The following SYT9 variants were observed in gnomAD, a reference collection of about 807,000 sequenced individuals.
SYT9 encodes the protein synaptotagmin-9.
A neutral mutation model predicts 48.4 loss-of-function variants in SYT9; 22 were observed. That is an observed-to-expected ratio of 0.45 (90% CI 0.32 to 0.65). The LOEUF is 0.65. Ranked by LOEUF, SYT9 falls within the 30% of genes least tolerant of loss-of-function variation. The probability of loss-of-function intolerance (pLI) is 0.03; values close to 1 mark genes in which losing one functional copy is unlikely to be tolerated. For synonymous variants in SYT9, 265 were observed against 245.0 expected, an observed-to-expected ratio of 1.08 and a Z score of -0.76; for missense variants, 577 against 622.0, an observed-to-expected ratio of 0.93 and a Z score of 0.77.
At chr11:7,455,118 A>G (rs1296453012) in intron 6 of SYT9, among the ~76,000 whole-genome samples, 1 of 152,170 alleles carries the variant, frequency 6.6e-6, no homozygotes, top group African/African-American at 2.4e-5. Context: ...AAAAGCCTCT[A>G]AACCTTTAAG....
At chr11:7,333,929 C>G (rs1849588554) in intron 3 of SYT9, among the ~76,000 whole-genome samples, 1 of 152,166 alleles carries the variant, frequency 6.6e-6, no homozygotes. Flanking sequence ...CATAACATTG[C>G]ACAGATAATT....
chr11:7,359,803 C>T (rs1375268541), intron 3 of SYT9, among the ~76,000 whole-genome samples: 2 of 150,010 alleles, frequency 1.3e-5, no homozygotes, highest in Middle Eastern at 3.2e-3. Flanking sequence ...TTGTAGGTTG[C>T]CTGTTCACTC....
chr11:7,395,702 T>C (rs1239400602), intron 3 of SYT9, among the ~76,000 whole-genome samples: 1 of 152,170 alleles, frequency 6.6e-6, no homozygotes, highest in Non-Finnish European at 1.5e-5. Flanking sequence ...TAGATTTTTC[T>C]CCATCCATTT....
intron 3 of SYT9, among the ~76,000 whole-genome samples, chr11:7,333,416 T>C (rs1316694605): frequency 1.3e-5 from 2 of 152,242 alleles, no homozygotes; most frequent in African/African-American, 4.8e-5. Flanking sequence ...CCTGGCTCTC[T>C]AACCTGGTTT....
rs1341653276 is a variant in SYT9 at position 7,326,434 on chromosome 11, G to C, written c.1044+12493G>C. Among the ~76,000 whole-genome samples the C allele has an allele frequency of 1.7e-3, 219 of 126,632 alleles. 2 individuals carry two copies. The highest frequency in any genetic ancestry group is 6.6e-3 in the African/African-American group (212 of 32,112). 83.1% of individuals were successfully genotyped at this position (126,632 alleles called of 152,430 possible). A position where few individuals can be genotyped will look rare whatever the true frequency, so the allele number is the denominator to read the frequency against. On this transcript the variant is annotated intron_variant, in intron 3 of 6. Transcript: ENST00000318881. ...TTGTAGTATTCTCTGATGGTAGTTT[G>C]TATTTCTGTGGGATCGGTGGTGATA...
At chr11:7,430,227 C>T (rs979137587) in intron 6 of SYT9, among the ~76,000 whole-genome samples, 74 of 151,978 alleles carry the variant, frequency 4.9e-4, no homozygotes, top group Non-Finnish European at 7.4e-5. Context: ...ATTTTTTTCG[C>T]ACCTTAGATA....
intron 3 of SYT9, among the ~76,000 whole-genome samples, chr11:7,321,143 G>C (rs1849331747): frequency 6.6e-6 from 1 of 152,198 alleles, no homozygotes. Flanking sequence ...TGTAATGACA[G>C]TAGAAGTAAT....
chr11:7,288,149 G>C (rs894279818), intron 1 of SYT9, among the ~76,000 whole-genome samples: 1 of 152,062 alleles, frequency 6.6e-6, no homozygotes, highest in African/African-American at 2.4e-5. Context: ...TCAGGGGCCT[G>C]GGAAACCCTG....
At chr11:7,377,538 A>G (rs1419710545) in intron 3 of SYT9, among the ~76,000 whole-genome samples, 3 of 152,130 alleles carry the variant, frequency 2.0e-5, no homozygotes. Context: ...CAGTCAAGGT[A>G]GCTTCTCTTT....
chr11:7,429,684 C>T (rs902893930), intron 6 of SYT9, among the ~76,000 whole-genome samples: 1 of 152,156 alleles, frequency 6.6e-6, no homozygotes, highest in South Asian at 2.1e-4. Flanking sequence ...AAAGCTGTCG[C>T]GAGATCAGCT....
At chr11:7,412,330 T>A (rs1412822151) in intron 3 of SYT9, among the ~76,000 whole-genome samples, 1 of 152,248 alleles carries the variant, frequency 6.6e-6, no homozygotes, top group Non-Finnish European at 1.5e-5. Context: ...TAAATTTGCT[T>A]TTGTAGAGAG....
intron 1 of SYT9, among the ~76,000 whole-genome samples, chr11:7,258,790 T>C (rs1364089300): frequency 2.6e-5 from 4 of 152,148 alleles, no homozygotes; most frequent in African/African-American, 9.7e-5. Flanking sequence ...CACCTGCCCA[T>C]GTTTCCTTTC....
At chr11:7,244,151 T>C (rs1387610270) in intron 1 of SYT9, among the ~76,000 whole-genome samples, 1 of 152,208 alleles carries the variant, frequency 6.6e-6, no homozygotes, top group Non-Finnish European at 1.5e-5. Context: ...TTCCTTTCAG[T>C]ATATTTCGTA....
At chr11:7,404,506 A>T (rs915053607) in intron 3 of SYT9, among the ~76,000 whole-genome samples, 1 of 152,176 alleles carries the variant, frequency 6.6e-6, no homozygotes, top group South Asian at 2.1e-4. Flanking sequence ...TTTAGAGTAT[A>T]TATCTTTAAC....
At chr11:7,375,537 CAT>C (rs1167313709) in intron 3 of SYT9, among the ~76,000 whole-genome samples, 12 of 152,154 alleles carry the variant, frequency 7.9e-5, no homozygotes, top group Non-Finnish European at 1.8e-4. Flanking sequence ...ATTGATTCTT[CAT>C]ATCCATGAGC....
intron 1 of SYT9, among the ~76,000 whole-genome samples, chr11:7,258,111 T>A (rs934856065): frequency 3.3e-5 from 5 of 152,188 alleles, no homozygotes; most frequent in Admixed American, 2.0e-4. Flanking sequence ...GGCACTTTTA[T>A]GTTTGTGCTG....
At chr11:7,392,533 A>G (rs1846648450) in intron 3 of SYT9, among the ~76,000 whole-genome samples, 1 of 152,056 alleles carries the variant, frequency 6.6e-6, no homozygotes, top group African/African-American at 2.4e-5. Flanking sequence ...AAGTAAAGTG[A>G]TGCCTCTGGC....
chr11:7,287,633 A>C (rs1195319733), intron 1 of SYT9, among the ~76,000 whole-genome samples: 1 of 152,198 alleles, frequency 6.6e-6, no homozygotes, highest in African/African-American at 2.4e-5. Context: ...TGAGTTACTC[A>C]CTATCTTAGA....
intron 3 of SYT9, among the ~76,000 whole-genome samples, chr11:7,366,398 C>T (rs939251783): frequency 6.6e-6 from 1 of 152,102 alleles, no homozygotes; most frequent in Non-Finnish European, 1.5e-5. Flanking sequence ...TTTCGATAAA[C>T]CTGAGGTCAC....
Sources: allele counts gnomAD v4.1 joint callset (sites outside exome capture counted in the v4.1 genomes callset), GRCh38; gene constraint gnomAD v4.1.1; transcripts MANE v1.5; gene names NCBI Gene and HGNC (gene_info 2026-07-23, HGNC 2026-07-21).